Variants in IGLL5 observed in about 807,000 individuals in gnomAD.
The protein encoded by IGLL5 is immunoglobulin lambda like polypeptide 5, also known as immunoglobulin lambda-like polypeptide 5.
A neutral mutation model predicts 20.9 loss-of-function variants in IGLL5; 30 were observed. The observed-to-expected ratio is 1.44, with a 90% CI of 1.07 to 1.95. IGLL5 has a LOEUF of 1.95. IGLL5 is among the 30% of genes most tolerant of loss of function. The pLI, the probability that IGLL5 is intolerant of heterozygous loss-of-function variation, is 0.00. For synonymous variants in IGLL5, 203 were observed against 117.3 expected, an observed-to-expected ratio of 1.73 and a Z score of -4.72; for missense variants, 475 against 270.7, an observed-to-expected ratio of 1.75 and a Z score of -5.30.
chr22:22,891,438 C>T (rs2146015347), intron 1 of IGLL5, among the ~76,000 whole-genome samples: 1 of 151,164 alleles, frequency 6.6e-6, no homozygotes, highest in African/African-American at 2.4e-5. Flanking sequence ...ATTATTTTAG[C>T]TTTATGGTAT....
intron 1 of IGLL5, among the ~76,000 whole-genome samples, chr22:22,890,262 T>C (rs2067787640): frequency 1.3e-5 from 2 of 149,586 alleles, no homozygotes; most frequent in Admixed American, 6.7e-5. Flanking sequence ...CACTGTCAGG[T>C]TGGTCAATAT....
rs767463354 is a variant in IGLL5 at position 22,888,215 on chromosome 22, C to G, written c.162C>G (p.Ala54=). The change falls in exon 1 of 3, where the codon GCC becomes GCG. Residue 54 remains alanine (A), a synonymous_variant. Transcript: ENST00000526893. The part of the protein sequence containing the change: ...APQSGDPDPG[A]SVGSSRSSLR... The stretch of plus-strand genomic sequence containing the variant: ...AAAGCGGGGACCCAGACCCTGGAGC[C>G]TCAGTTGGAAGCAGCCGATCCAGCC... The G allele has an allele frequency of 1.9e-6, 3 of 1,548,414 alleles. No individual in the cohort carries two copies. Among genetic ancestry groups the G allele is most frequent in the Non-Finnish European group, 2.6e-6 (3 of 1,146,506 alleles).
intron 1 of IGLL5, among the ~76,000 whole-genome samples, chr22:22,889,386 A>G (rs1286353111): frequency 6.6e-6 from 1 of 151,280 alleles, no homozygotes; most frequent in Non-Finnish European, 1.5e-5. Context: ...CGGCGAGTCA[A>G]AAAACAAAGT....
At chr22:22,888,537 T>C (rs115786352) in intron 1 of IGLL5, among the ~76,000 whole-genome samples, 9 of 151,352 alleles carry the variant, frequency 5.9e-5, no homozygotes, top group East Asian at 4.0e-4. Context: ...CACCTAGTCC[T>C]AGTCCTCTGG....
intron 1 of IGLL5, among the ~76,000 whole-genome samples, chr22:22,889,019 G>A (rs548389739): frequency 2.0e-5 from 3 of 151,418 alleles, no homozygotes; most frequent in African/African-American, 4.8e-5. Context: ...GAGGCAAGAA[G>A]ACCATAGGGT....
In IGLL5 at chr22:22,895,843, T is replaced by C. The variant is rs2066756400; in HGVS notation, c.*149T>C. 1 of 805,546 alleles carries C rather than the reference T, an allele frequency of 1.2e-6. No individual in the cohort carries two copies. Among genetic ancestry groups the C allele is most frequent in the Non-Finnish European group, 2.0e-6 (1 of 489,376 alleles). The allele number at this position is 805,546 out of a possible 1,614,324, so 49.9% of individuals were successfully genotyped here. On this transcript the variant is annotated 3_prime_UTR_variant, in exon 3 of 3. Coordinates refer to ENST00000526893, the MANE Select transcript of IGLL5 (RefSeq NM_001178126.2). Reference sequence around the variant, plus strand: ...TCATTGACAACCAGAAATCTTGTTTTATCTCATTTTTTTTCTCACATAAAT... The same window carrying C: ...TCATTGACAACCAGAAATCTTGTTTCATCTCATTTTTTTTCTCACATAAAT...
intron 1 of IGLL5, among the ~76,000 whole-genome samples, chr22:22,888,965 A>G (rs1026482250): frequency 4.0e-5 from 6 of 151,314 alleles, no homozygotes; most frequent in African/African-American, 1.5e-4. Flanking sequence ...AGAGGAGAGG[A>G]GAGCACAGGA....
chr22:22,891,192 C>A (rs925095010), intron 1 of IGLL5, among the ~76,000 whole-genome samples: 1 of 150,750 alleles, frequency 6.6e-6, no homozygotes, highest in East Asian at 2.0e-4. Context: ...ACTCATTTTT[C>A]TGTTTTATTC....
In IGLL5 at chr22:22,888,031, G is replaced by A. The variant is rs574008812; in HGVS notation, c.-23G>A. 3.9e-6 allele frequency: 6 copies of A among 1,544,536 alleles called. No homozygotes were observed. Among genetic ancestry groups the A allele is most frequent in the African/African-American group, 1.4e-5 (1 of 72,802 alleles). On this transcript the variant is annotated 5_prime_UTR_variant, in exon 1 of 3. Coordinates refer to ENST00000526893, the MANE Select transcript of IGLL5 (RefSeq NM_001178126.2). ...AGCCCATGCTGCAAGTCGGGCCAGAGGTGCCCCTGAACCTGAAGGCCAATG... is the reference window on the plus strand; with the variant it reads ...AGCCCATGCTGCAAGTCGGGCCAGAAGTGCCCCTGAACCTGAAGGCCAATG...
intron 2 of IGLL5, among the ~76,000 whole-genome samples, chr22:22,894,790 AGC>A: frequency 6.6e-6 from 1 of 150,776 alleles, no homozygotes; most frequent in African/African-American, 2.4e-5. Context: ...GCCTCAGAGG[AGC>A]CCTGAGGCTT....
At chr22:22,894,751 G>A (rs892597621) in intron 2 of IGLL5, among the ~76,000 whole-genome samples, 4 of 151,244 alleles carry the variant, frequency 2.6e-5, no homozygotes, top group African/African-American at 9.7e-5. Context: ...TTCTGTGGTC[G>A]GGCTTGTGGA....
At position 22,896,047 on chromosome 22, in the gene IGLL5, T is replaced by A. The variant is rs2066759755; in HGVS notation, c.*353T>A. ...CCCTGAGCTACCAGTCTGGCATCAG[T>A]TCAGACCAGTCCCACACCCTCCTAA... On this transcript the variant is annotated 3_prime_UTR_variant, in exon 3 of 3. Transcript: ENST00000526893. The A allele has an allele frequency of 8.6e-6, 4 of 462,568 alleles. No homozygotes were observed. The highest frequency in any genetic ancestry group is 1.6e-5 in the Non-Finnish European group (4 of 252,610). 28.7% of individuals were successfully genotyped at this position (462,568 alleles called of 1,614,324 possible).
Position 22,887,954 on chromosome 22 carries a change from T to C in IGLL5, c.-100T>C. On this transcript the variant is annotated 5_prime_UTR_variant, in exon 1 of 3. Transcript: ENST00000526893. ...AGAGGACAGAGCCAATGGACTGGGG[T>C]GTACTGTAACAGCCCTGCTGGCGAG... is the stretch of plus-strand genomic sequence containing the variant. The C allele has an allele frequency of 2.2e-6, 2 of 909,614 alleles. No homozygotes were observed. The highest frequency in any genetic ancestry group is 2.0e-5 in the Admixed American group (1 of 49,838). The allele number at this position is 909,614 out of a possible 1,614,324, so 56.3% of individuals were successfully genotyped here.
At chr22:22,888,901 C>A (rs546818730) in intron 1 of IGLL5, among the ~76,000 whole-genome samples, 1 of 151,220 alleles carries the variant, frequency 6.6e-6, no homozygotes, top group Admixed American at 6.6e-5. Context: ...GCTGGTCTCA[C>A]AGATCGAGGG....
intron 1 of IGLL5, 125 bp from the exon 2 acceptor site, chr22:22,893,575 T>C (rs1306858777): frequency 4.8e-6 from 3 of 620,874 alleles, no homozygotes; most frequent in Non-Finnish European, 5.7e-6. Flanking sequence ...TCCAAGGCTG[T>C]GTGTGGCACT....
intron 2 of IGLL5, among the ~76,000 whole-genome samples, chr22:22,894,297 T>G (rs1601625392): frequency 3.3e-5 from 5 of 151,202 alleles, no homozygotes; most frequent in South Asian, 2.1e-4. Flanking sequence ...CCACACGGCC[T>G]GGTGACACAG....
intron 1 of IGLL5, among the ~76,000 whole-genome samples, chr22:22,889,295 G>C (rs2067705219): frequency 6.6e-6 from 1 of 151,062 alleles, no homozygotes; most frequent in Non-Finnish European, 1.5e-5. Flanking sequence ...TGAAGTTGAA[G>C]TGAGGGCTGA....
At position 22,891,255 on chromosome 22, in the gene IGLL5, G is replaced by A. The variant is rs899556440; in HGVS notation, c.207-2445G>A. On this transcript the variant is annotated intron_variant, in intron 1 of 2. Transcript: ENST00000526893. ...TTTTTTTTTCTTTACTTCCCCTGGA[G>A]TTTATTTTTGTGGATGTAGGAATAA... 2.6e-4 allele frequency among the ~76,000 whole-genome samples: 39 copies of A among 151,044 alleles called. 1 individual carries two copies. The highest frequency in any genetic ancestry group is 2.5e-3 in the Admixed American group (38 of 15,068).
At chr22:22,890,784 C>T (rs903529904) in intron 1 of IGLL5, among the ~76,000 whole-genome samples, 3 of 150,998 alleles carry the variant, frequency 2.0e-5, no homozygotes, top group South Asian at 2.1e-4. Context: ...AATTGTTGAT[C>T]TTTTTATATT....
Sources: allele counts gnomAD v4.1 joint callset (sites outside exome capture counted in the v4.1 genomes callset), GRCh38; gene constraint gnomAD v4.1.1; transcripts MANE v1.5; gene names NCBI Gene and HGNC (gene_info 2026-07-23, HGNC 2026-07-21).